Variants in ERBB4 observed in about 807,000 individuals in gnomAD.
ERBB4 encodes the protein receptor tyrosine-protein kinase erbB-4.
In ERBB4, 42 loss-of-function variants were observed where a neutral mutation model predicts 158.0. The ratio of observed to expected loss-of-function variants is 0.27; its 90% CI spans 0.21 to 0.34. The LOEUF is 0.34. Ranked by LOEUF, ERBB4 falls within the 10% of genes least tolerant of loss-of-function variation. The probability of loss-of-function intolerance (pLI) is 1.00; values close to 1 mark genes in which losing one functional copy is unlikely to be tolerated. For missense variants in ERBB4, 1,333 were observed against 1,624.1 expected (o/e 0.82, Z 3.08); for synonymous variants, 583 against 558.7 (o/e 1.04, Z -0.61).
At chr2:212,011,077 T>A (rs927082005) in intron 2 of ERBB4, among the ~76,000 whole-genome samples, 4 of 151,314 alleles carry the variant, frequency 2.6e-5, no homozygotes, top group African/African-American at 9.8e-5. Context: ...CAAACACACA[T>A]GTTTTACAAT....
intron 1 of ERBB4, among the ~76,000 whole-genome samples, chr2:212,163,474 A>G (rs1333370105): frequency 6.6e-6 from 1 of 152,088 alleles, no homozygotes; most frequent in Non-Finnish European, 1.5e-5. Context: ...CTCTTGATCT[A>G]ACACATAAAG....
At chr2:212,233,850 G>T (rs1666819652) in intron 1 of ERBB4, among the ~76,000 whole-genome samples, 2 of 151,826 alleles carry the variant, frequency 1.3e-5, no homozygotes, top group African/African-American at 4.8e-5. Context: ...TCTTATTTGG[G>T]AGTTTGCTTC....
chr2:211,713,683 TA>T, intron 7 of ERBB4, 35 bp from the exon 8 acceptor site: 3 of 1,247,536 alleles, frequency 2.4e-6, no homozygotes, highest in Non-Finnish European at 3.5e-6. Context: ...AAATAAGCAT[TA>T]ATGTTAACAT....
intron 5 of ERBB4, among the ~76,000 whole-genome samples, chr2:211,740,035 CCTCT>C (rs981860786): frequency 6.6e-6 from 1 of 152,112 alleles, no homozygotes; most frequent in African/African-American, 2.4e-5. Context: ...GTTCCCTCAT[CCTCT>C]CTGTTTTCTA....
At chr2:211,397,791 T>G (rs1353073318) in intron 25 of ERBB4, among the ~76,000 whole-genome samples, 1 of 152,196 alleles carries the variant, frequency 6.6e-6, no homozygotes, top group African/African-American at 2.4e-5. Context: ...GGTGTACAAT[T>G]CTTGATCAGC....
At chr2:212,059,536 C>G (rs900094627) in intron 2 of ERBB4, among the ~76,000 whole-genome samples, 20 of 152,252 alleles carry the variant, frequency 1.3e-4, no homozygotes, top group African/African-American at 4.1e-4. Context: ...TACCTGATGT[C>G]AAACTATACT....
At chr2:211,879,274 G>T (rs2078599342) in intron 3 of ERBB4, among the ~76,000 whole-genome samples, 1 of 151,918 alleles carries the variant, frequency 6.6e-6, no homozygotes, top group South Asian at 2.1e-4. Flanking sequence ...CAACATTAAT[G>T]ATAGCTAAGA....
At chr2:211,446,271 T>C (rs76477925) in intron 20 of ERBB4, among the ~76,000 whole-genome samples, 2,825 of 152,240 alleles carry the variant, frequency 0.019, 110 homozygotes, top group African/African-American at 0.064. Flanking sequence ...CAATATAAGA[T>C]AAAAACCATA....
At chr2:211,499,746 G>C (rs1462937573) in intron 20 of ERBB4, among the ~76,000 whole-genome samples, 1 of 151,976 alleles carries the variant, frequency 6.6e-6, no homozygotes, top group Admixed American at 6.6e-5. Context: ...ATTTTGCTTT[G>C]CTCTTTCTAG....
intron 2 of ERBB4, among the ~76,000 whole-genome samples, chr2:212,110,844 C>T (rs2079382988): frequency 6.9e-6 from 1 of 144,010 alleles, no homozygotes; most frequent in African/African-American, 2.5e-5. Flanking sequence ...CTGAGCTTAA[C>T]TTCTTGTTTG....
chr2:212,301,462 T>G (rs965237843), intron 1 of ERBB4, among the ~76,000 whole-genome samples: 3 of 151,448 alleles, frequency 2.0e-5, no homozygotes, highest in Non-Finnish European at 4.4e-5. Context: ...ATCTCACAAA[T>G]TTGTCTTAAT....
chr2:212,353,382 G>C (rs2089335819), intron 1 of ERBB4, among the ~76,000 whole-genome samples: 1 of 148,902 alleles, frequency 6.7e-6, no homozygotes, highest in Non-Finnish European at 1.5e-5. Flanking sequence ...ACATATATGT[G>C]CTGTATATAA....
chr2:211,777,090 C>G (rs1199331106), intron 4 of ERBB4: 1 of 152,066 alleles, frequency 6.6e-6, no homozygotes, highest in Non-Finnish European at 1.5e-5. Context: ...CAGATGTAAT[C>G]GGAAATAGTT....
chr2:212,178,533 T>C (rs1023345081), intron 1 of ERBB4, among the ~76,000 whole-genome samples: 1 of 151,816 alleles, frequency 6.6e-6, no homozygotes, highest in African/African-American at 2.4e-5. Context: ...TTATAATTTA[T>C]TTCATCCTCT....
chr2:212,473,257 T>C (rs938402957), intron 1 of ERBB4, among the ~76,000 whole-genome samples: 1 of 152,094 alleles, frequency 6.6e-6, no homozygotes, highest in Non-Finnish European at 1.5e-5. Flanking sequence ...GAATTATTCT[T>C]ACTGAATATA....
intron 1 of ERBB4, among the ~76,000 whole-genome samples, chr2:212,263,807 CT>C (rs910829136): frequency 5.3e-5 from 8 of 151,190 alleles, no homozygotes; most frequent in African/African-American, 1.2e-4. Flanking sequence ...TCCATTTTTC[CT>C]TTTTTTTCAT....
intron 2 of ERBB4, among the ~76,000 whole-genome samples, chr2:212,035,136 A>T (rs1326734726): frequency 6.6e-6 from 1 of 152,186 alleles, no homozygotes; most frequent in East Asian, 1.9e-4. Context: ...TTAAAAGAGT[A>T]GTCTCTCTAA....
At chr2:212,529,197 A>C (rs1301853356) in intron 1 of ERBB4, among the ~76,000 whole-genome samples, 1 of 152,158 alleles carries the variant, frequency 6.6e-6, no homozygotes, top group Non-Finnish European at 1.5e-5. Flanking sequence ...CTGGTGGATC[A>C]GTACATGCTT....
At chr2:212,155,172 A>G (rs1210976224) in intron 1 of ERBB4, among the ~76,000 whole-genome samples, 3 of 152,174 alleles carry the variant, frequency 2.0e-5, no homozygotes, top group African/African-American at 7.2e-5. Flanking sequence ...TTGTCTTAAG[A>G]AAAAAGTCTG....
Sources: allele counts gnomAD v4.1 joint callset (sites outside exome capture counted in the v4.1 genomes callset), GRCh38; gene constraint gnomAD v4.1.1; transcripts MANE v1.5; gene names NCBI Gene and HGNC (gene_info 2026-07-23, HGNC 2026-07-21).